LRRC4C: variants seen among roughly 807,000 people sequenced by gnomAD.
The protein encoded by LRRC4C is leucine rich repeat containing 4C, also known as leucine-rich repeat-containing protein 4C.
Under a neutral mutation model 33.6 loss-of-function variants are expected in LRRC4C, and 5 were observed. That is an observed-to-expected ratio of 0.15 (90% CI 0.08 to 0.31). The LOEUF is 0.31. LRRC4C is among the 10% of genes least tolerant of loss of function. LRRC4C has a pLI of 1.00. For synonymous variants in LRRC4C, 329 were observed against 302.0 expected, an observed-to-expected ratio of 1.09 and a Z score of -0.93; for missense variants, 560 against 796.7, an observed-to-expected ratio of 0.70 and a Z score of 3.58.
At chr11:40,757,339 T>C (rs142126239) in intron 2 of LRRC4C, among the ~76,000 whole-genome samples, 3 of 152,172 alleles carry the variant, frequency 2.0e-5, no homozygotes, top group African/African-American at 7.2e-5. Flanking sequence ...ATTATCCTTA[T>C]TACATTTTGA....
intron 1 of LRRC4C, among the ~76,000 whole-genome samples, chr11:41,011,122 A>G (rs971954930): frequency 1.3e-5 from 2 of 152,214 alleles, no homozygotes; most frequent in South Asian, 2.1e-4. Context: ...ATATCCAACC[A>G]GAGGAAATAT....
chr11:40,778,380 G>A (rs1185061327), intron 2 of LRRC4C, among the ~76,000 whole-genome samples: 2 of 152,152 alleles, frequency 1.3e-5, no homozygotes, highest in Admixed American at 6.6e-5. Flanking sequence ...TTAGGACTTC[G>A]ATGCTATCTT....
chr11:41,275,974 CTGAA>C (rs1288508124), intron 1 of LRRC4C, among the ~76,000 whole-genome samples: 1 of 152,078 alleles, frequency 6.6e-6, no homozygotes, highest in Non-Finnish European at 1.5e-5. Context: ...TGGGATATGA[CTGAA>C]TAACTTTTAT....
intron 3 of LRRC4C, among the ~76,000 whole-genome samples, chr11:40,576,836 G>A (rs780210157): frequency 7.9e-5 from 12 of 152,028 alleles, no homozygotes; most frequent in Non-Finnish European, 1.6e-4. Context: ...CATCTTTGTG[G>A]GTTTAGCATG....
At chr11:41,073,451 C>G (rs1162485338) in intron 1 of LRRC4C, among the ~76,000 whole-genome samples, 1 of 152,126 alleles carries the variant, frequency 6.6e-6, no homozygotes, top group Non-Finnish European at 1.5e-5. Context: ...TCTCCCCAGG[C>G]CCCACCTTCA....
chr11:41,090,629 C>T (rs770448633), intron 1 of LRRC4C, among the ~76,000 whole-genome samples: 63 of 152,046 alleles, frequency 4.1e-4, no homozygotes, highest in Non-Finnish European at 7.9e-4. Context: ...CTCTATGTCC[C>T]CACCCAAATC....
intron 1 of LRRC4C, among the ~76,000 whole-genome samples, chr11:40,968,601 C>A (rs772013652): frequency 2.0e-5 from 3 of 152,058 alleles, no homozygotes; most frequent in Non-Finnish European, 2.9e-5. Context: ...GAAGCTAATG[C>A]TCATTTACAA....
At chr11:40,527,942 C>T (rs1956122915) in intron 3 of LRRC4C, among the ~76,000 whole-genome samples, 2 of 151,978 alleles carry the variant, frequency 1.3e-5, no homozygotes, top group Non-Finnish European at 2.9e-5. Flanking sequence ...GGTGGGGTTT[C>T]TCCATGTTGG....
At chr11:40,667,415 T>C (rs1943867830) in intron 2 of LRRC4C, among the ~76,000 whole-genome samples, 1 of 152,182 alleles carries the variant, frequency 6.6e-6, no homozygotes, top group South Asian at 2.1e-4. Flanking sequence ...AAACTTTGAG[T>C]TGCCTCCCAA....
intron 1 of LRRC4C, among the ~76,000 whole-genome samples, chr11:41,206,016 C>A (rs755378939): frequency 9.9e-5 from 15 of 151,988 alleles, no homozygotes; most frequent in Non-Finnish European, 2.1e-4. Context: ...CAAGGAAAAC[C>A]ATCACCGTTA....
At chr11:40,969,173 A>T (rs1414960250) in intron 1 of LRRC4C, among the ~76,000 whole-genome samples, 1 of 152,166 alleles carries the variant, frequency 6.6e-6, no homozygotes, top group Non-Finnish European at 1.5e-5. Context: ...AAATAAATGC[A>T]GATATGATGA....
At chr11:41,318,124 C>T (rs972578949) in intron 1 of LRRC4C, among the ~76,000 whole-genome samples, 1 of 151,988 alleles carries the variant, frequency 6.6e-6, no homozygotes, top group Non-Finnish European at 1.5e-5. Flanking sequence ...AGTTATGAAA[C>T]AATATATACA....
At chr11:41,024,674 T>C (rs956540789) in intron 1 of LRRC4C, among the ~76,000 whole-genome samples, 1 of 151,726 alleles carries the variant, frequency 6.6e-6, no homozygotes, top group Non-Finnish European at 1.5e-5. Context: ...AGTAGATGCA[T>C]CTTTGATTTA....
intron 3 of LRRC4C, among the ~76,000 whole-genome samples, chr11:40,359,606 T>G (rs1383062198): frequency 1.3e-5 from 2 of 152,168 alleles, no homozygotes; most frequent in Non-Finnish European, 2.9e-5. Flanking sequence ...TCAATTTATT[T>G]TGTGACTAGA....
intron 1 of LRRC4C, among the ~76,000 whole-genome samples, chr11:41,228,280 G>C (rs867683113): frequency 6.6e-6 from 1 of 152,026 alleles, no homozygotes; most frequent in Admixed American, 6.6e-5. Context: ...CAATGATAGA[G>C]AGAGAGAGAG....
chr11:40,527,525 A>T (rs1451073239), intron 3 of LRRC4C, among the ~76,000 whole-genome samples: 1 of 152,112 alleles, frequency 6.6e-6, no homozygotes, highest in East Asian at 1.9e-4. Context: ...TTGCTATAGG[A>T]GGAGGCAAGT....
At position 40,475,752 on chromosome 11, in the gene LRRC4C, A is replaced by C. The variant is rs2138343259; in HGVS notation, c.-269-156031T>G. ...ACAACTTCACAAAATTGTTAGAGAAACTATGCTCCAACTTTCCTCTTCTTA... is the reference window on the plus strand; with the variant it reads ...ACAACTTCACAAAATTGTTAGAGAACCTATGCTCCAACTTTCCTCTTCTTA... On this transcript the variant is annotated intron_variant, in intron 3 of 6. Coordinates refer to ENST00000528697, the MANE Select transcript of LRRC4C (RefSeq NM_001258419.2). Among the ~76,000 whole-genome samples the C allele has an allele frequency of 2.0e-5, 3 of 152,218 alleles. 1 individual carries two copies. The South Asian group carries it at 6.2e-4, about 32-fold the overall frequency.
At chr11:40,760,569 G>T (rs974397693) in intron 2 of LRRC4C, among the ~76,000 whole-genome samples, 1 of 151,396 alleles carries the variant, frequency 6.6e-6, no homozygotes, top group Admixed American at 6.6e-5. Flanking sequence ...AGTTACTTTT[G>T]GATCATTTAT....
intron 4 of LRRC4C, among the ~76,000 whole-genome samples, chr11:40,302,541 TTTA>T (rs1364348814): frequency 5.3e-5 from 8 of 152,184 alleles, no homozygotes; most frequent in Non-Finnish European, 8.8e-5. Flanking sequence ...TGTCTTTTTT[TTTA>T]TTCCTTTATA....
Sources: allele counts gnomAD v4.1 joint callset (sites outside exome capture counted in the v4.1 genomes callset), GRCh38; gene constraint gnomAD v4.1.1; transcripts MANE v1.5; gene names NCBI Gene and HGNC (gene_info 2026-07-23, HGNC 2026-07-21).